Variants in USP47 observed in about 807,000 individuals in gnomAD.
USP47 encodes the protein ubiquitin specific peptidase 47, also known as ubiquitin carboxyl-terminal hydrolase 47.
A neutral mutation model predicts 165.1 loss-of-function variants in USP47; 35 were observed. That is an observed-to-expected ratio of 0.21 (90% confidence interval 0.16 to 0.28). The LOEUF (loss-of-function observed/expected upper bound fraction) is 0.28. USP47 is among the 10% of genes least tolerant of loss of function. The probability of loss-of-function intolerance (pLI) is 1.00; values close to 1 mark genes in which losing one functional copy is unlikely to be tolerated. For synonymous variants in USP47, 531 were observed against 544.5 expected (o/e 0.98, Z 0.35); for missense variants, 1,277 against 1,607.4 (o/e 0.79, Z 3.52).
chr11:11,906,068 T>C (rs1852542274), intron 8 of USP47, among the ~76,000 whole-genome samples: 1 of 152,170 alleles, frequency 6.6e-6, no homozygotes, highest in South Asian at 2.1e-4. Context: ...ATCAAAACTG[T>C]AATCACCTTA....
At chr11:11,923,642 T>C (rs1323288198) in intron 11 of USP47, among the ~76,000 whole-genome samples, 2 of 152,148 alleles carry the variant, frequency 1.3e-5, no homozygotes, top group Admixed American at 6.6e-5. Flanking sequence ...TGAAGACTGA[T>C]CACTAACTCA....
chr11:11,857,650 A>T (rs1849127024), intron 1 of USP47, among the ~76,000 whole-genome samples: 1 of 152,202 alleles, frequency 6.6e-6, no homozygotes, highest in Non-Finnish European at 1.5e-5. Flanking sequence ...TCTTAGAACT[A>T]AATTGAAAGG....
chr11:11,888,573 C>CA (rs1293000676), intron 3 of USP47, among the ~76,000 whole-genome samples: 3 of 151,924 alleles, frequency 2.0e-5, no homozygotes, highest in African/African-American at 7.3e-5. Flanking sequence ...GCCTACCAAT[C>CA]AAAAAAAGCC....
At chr11:11,883,086 C>T (rs891459644) in intron 2 of USP47, among the ~76,000 whole-genome samples, 2 of 152,264 alleles carry the variant, frequency 1.3e-5, no homozygotes, top group Non-Finnish European at 1.5e-5. Context: ...TGTATACAGA[C>T]ACTTACTGAG....
At chr11:11,842,345 A>G in intron 1 of USP47, 121 bp downstream of exon 1, 5 of 1,126,268 alleles carry the variant, frequency 4.4e-6, no homozygotes, top group Non-Finnish European at 6.2e-6. Flanking sequence ...GGGAATGAGG[A>G]GGCGTGAGGC....
intron 1 of USP47, among the ~76,000 whole-genome samples, chr11:11,843,633 A>T (rs967976500): frequency 6.6e-6 from 1 of 152,236 alleles, no homozygotes; most frequent in Non-Finnish European, 1.5e-5. Flanking sequence ...TCATTTTTAT[A>T]AAAAACAAAA....
chr11:11,878,563 G>A (rs953449047), intron 1 of USP47: 2 of 151,746 alleles, frequency 1.3e-5, no homozygotes, highest in African/African-American at 2.4e-5. Flanking sequence ...ATAGGTGAAG[G>A]TTTTTTTATC....
chr11:11,857,209 C>G (rs1380646549), intron 1 of USP47, among the ~76,000 whole-genome samples: 1 of 152,080 alleles, frequency 6.6e-6, no homozygotes, highest in Non-Finnish European at 1.5e-5. Context: ...AATAAGCTAT[C>G]AATGAATTTA....
chr11:11,861,587 T>C (rs1354000127), intron 1 of USP47, among the ~76,000 whole-genome samples: 1 of 152,208 alleles, frequency 6.6e-6, no homozygotes, highest in Non-Finnish European at 1.5e-5. Flanking sequence ...CAACTAAAAA[T>C]AAATTACATA....
chr11:11,928,229 T>G (rs1854399262), intron 11 of USP47, among the ~76,000 whole-genome samples: 1 of 152,102 alleles, frequency 6.6e-6, no homozygotes. Context: ...TCAAAGCATT[T>G]TAATTTAATA....
chr11:11,919,418 A>G (rs1312895462), intron 8 of USP47, among the ~76,000 whole-genome samples: 1 of 151,934 alleles, frequency 6.6e-6, no homozygotes, highest in African/African-American at 2.4e-5. Flanking sequence ...TATATTAACT[A>G]ATTTTTTAAT....
chr11:11,851,871 AAAG>A (rs1261622185), intron 1 of USP47, among the ~76,000 whole-genome samples: 1 of 152,158 alleles, frequency 6.6e-6, no homozygotes, highest in Non-Finnish European at 1.5e-5. Flanking sequence ...TTATGAATAA[AAAG>A]AAGGATTATC....
At chr11:11,891,533 T>C (rs1007415594) in intron 3 of USP47, among the ~76,000 whole-genome samples, 3 of 152,240 alleles carry the variant, frequency 2.0e-5, no homozygotes, top group Admixed American at 2.0e-4. Context: ...GATTCATGTT[T>C]TTAAATGCAT....
chr11:11,946,819 T>G (rs1209817461), intron 20 of USP47, among the ~76,000 whole-genome samples: 5 of 152,220 alleles, frequency 3.3e-5, no homozygotes. Context: ...ATCACCCTCT[T>G]CATACTTTCT....
chr11:11,852,328 A>G (rs577852246), intron 1 of USP47, among the ~76,000 whole-genome samples: 2 of 151,576 alleles, frequency 1.3e-5, no homozygotes, highest in South Asian at 4.2e-4. Flanking sequence ...TATTTGTATC[A>G]GTATGGACTT....
intron 1 of USP47, among the ~76,000 whole-genome samples, chr11:11,876,407 C>G (rs1165953402): frequency 1.3e-5 from 2 of 152,170 alleles, no homozygotes; most frequent in African/African-American, 4.8e-5. Flanking sequence ...CCCACTTGAA[C>G]TTGGATGTGC....
intron 17 of USP47, among the ~76,000 whole-genome samples, chr11:11,937,861 TAA>T (rs1855188227): frequency 6.6e-6 from 1 of 151,946 alleles, no homozygotes; most frequent in Non-Finnish European, 1.5e-5. Context: ...TTCAAGTGAT[TAA>T]GAGTTTAATT....
intron 1 of USP47, among the ~76,000 whole-genome samples, chr11:11,865,447 T>G (rs1683309319): frequency 6.6e-6 from 1 of 152,174 alleles, no homozygotes; most frequent in African/African-American, 2.4e-5. Context: ...GCCCACCTAA[T>G]TAGTTTTCAT....
chr11:11,930,095 G>A lies in USP47; in HGVS notation c.1570G>A (p.Gly524Arg). 1 of 1,613,130 alleles carries A rather than the reference G, an allele frequency of 6.2e-7. No homozygotes were observed. Among genetic ancestry groups the A allele is most frequent in the Non-Finnish European group, 8.5e-7 (1 of 1,179,280 alleles). ...ACATGGTGGATCTTCAGGAAGCAGAGGATATTATTCTAGTGCTTTCGCAAG... is the reference window on the plus strand; with the variant it reads ...ACATGGTGGATCTTCAGGAAGCAGAAGATATTATTCTAGTGCTTTCGCAAG... ...KTHGGSSGSR[G>R]YYSSAFASST... is the part of the protein sequence containing the mutation. Residue 524 changes from glycine to arginine, a missense_variant, in exon 13 of 28, where the codon GGA (glycine) becomes AGA (arginine). By Grantham distance (125) the Gly-to-Arg change is moderately radical. Coordinates refer to ENST00000527733, the MANE Select transcript of USP47 (RefSeq NM_001282659.2).
Sources: gnomAD v4.1 joint callset for allele counts (sites outside exome capture counted in the v4.1 genomes callset) on GRCh38, gnomAD v4.1.1 for gene constraint, MANE v1.5 for transcripts, NCBI Gene and HGNC (gene_info 2026-07-23, HGNC 2026-07-21) for gene names.